PTPRD: variants seen among roughly 807,000 people sequenced by gnomAD.
PTPRD encodes protein tyrosine phosphatase receptor type D, also known as receptor-type tyrosine-protein phosphatase delta.
A neutral mutation model predicts 214.5 loss-of-function variants in PTPRD; 34 were observed. That is an observed-to-expected ratio of 0.16 (90% CI 0.12 to 0.21). PTPRD has a LOEUF of 0.21. PTPRD is among the 10% of genes least tolerant of loss of function. The probability of loss-of-function intolerance (pLI) is 1.00; values close to 1 mark genes in which losing one functional copy is unlikely to be tolerated. For synonymous variants in PTPRD, 1,128 were observed against 845.7 expected, an observed-to-expected ratio of 1.33 and a Z score of -5.79; for missense variants, 2,545 against 2,398.7, an observed-to-expected ratio of 1.06 and a Z score of -1.27.
At chr9:9,816,636 A>G (rs1489462405) in intron 5 of PTPRD, among the ~76,000 whole-genome samples, 1 of 152,120 alleles carries the variant, frequency 6.6e-6, no homozygotes, top group Non-Finnish European at 1.5e-5. Context: ...AGCTTAAAAA[A>G]GATGGAAAAA....
At chr9:8,321,487 G>GTGTATATATATATATATA (rs1168847469) in intron 44 of PTPRD, among the ~76,000 whole-genome samples, 4 of 44,550 alleles carry the variant, frequency 9.0e-5, no homozygotes, top group Non-Finnish European at 1.2e-4. Flanking sequence ...GTGTGTGTGT[G>GTGTATATATATATATATA]TATATATATA....
At chr9:9,792,298 G>A (rs1220954173) in intron 5 of PTPRD, among the ~76,000 whole-genome samples, 1 of 152,056 alleles carries the variant, frequency 6.6e-6, no homozygotes, top group Admixed American at 6.5e-5. Context: ...CAATTTAACT[G>A]TCTTATTTCA....
intron 8 of PTPRD, among the ~76,000 whole-genome samples, chr9:9,504,681 G>A (rs780122022): frequency 1.8e-4 from 28 of 151,628 alleles, no homozygotes; most frequent in East Asian, 1.2e-3. Flanking sequence ...GAAATAAAAC[G>A]CATCCAAGTC....
At chr9:9,828,038 A>C (rs949591459) in intron 5 of PTPRD, among the ~76,000 whole-genome samples, 2 of 152,142 alleles carry the variant, frequency 1.3e-5, no homozygotes, top group Admixed American at 1.3e-4. Flanking sequence ...AAATAGGAAC[A>C]CTTTTACACT....
chr9:8,943,803 TA>T (rs890441154), intron 11 of PTPRD, among the ~76,000 whole-genome samples: 4 of 150,166 alleles, frequency 2.7e-5, no homozygotes, highest in Admixed American at 6.7e-5. Flanking sequence ...ATGAAACCAC[TA>T]AAAAAAATGG....
chr9:10,103,668 C>T (rs1008023091), intron 3 of PTPRD, among the ~76,000 whole-genome samples: 1 of 151,368 alleles, frequency 6.6e-6, no homozygotes, highest in Admixed American at 6.6e-5. Flanking sequence ...TCCCTCCCCA[C>T]CACTGAGTTC....
chr9:9,263,590 C>T (rs1289589289), intron 9 of PTPRD, among the ~76,000 whole-genome samples: 1 of 151,628 alleles, frequency 6.6e-6, no homozygotes, highest in African/African-American at 2.4e-5. Context: ...CAGTAAATAT[C>T]CAATTTTCCC....
At chr9:9,979,231 AG>A (rs1183734714) in intron 4 of PTPRD, among the ~76,000 whole-genome samples, 2 of 152,080 alleles carry the variant, frequency 1.3e-5, no homozygotes, top group African/African-American at 2.4e-5. Context: ...TAAATATAAA[AG>A]CCTTTTAAAA....
chr9:9,630,983 T>C (rs1000239469), intron 7 of PTPRD, among the ~76,000 whole-genome samples: 4 of 152,122 alleles, frequency 2.6e-5, no homozygotes, highest in Admixed American at 2.6e-4. Context: ...TAAATCCCTT[T>C]CATTTTCAAT....
intron 14 of PTPRD, among the ~76,000 whole-genome samples, chr9:8,596,832 C>T (rs1172044702): frequency 6.6e-6 from 1 of 152,066 alleles, no homozygotes; most frequent in African/African-American, 2.4e-5. Context: ...TATTGGGAAA[C>T]TAAGTAAACT....
At chr9:9,952,817 G>A (rs1168263553) in intron 4 of PTPRD, among the ~76,000 whole-genome samples, 1 of 152,104 alleles carries the variant, frequency 6.6e-6, no homozygotes, top group African/African-American at 2.4e-5. Flanking sequence ...GAGACCAGGA[G>A]ATAAATTTAT....
chr9:10,587,846 A>C (rs917016964), intron 2 of PTPRD, among the ~76,000 whole-genome samples: 33 of 152,196 alleles, frequency 2.2e-4, no homozygotes, highest in African/African-American at 7.7e-4. Flanking sequence ...CTGTATAAAC[A>C]CAGATGATGG....
rs191488516 is a variant in PTPRD at position 9,371,221 on chromosome 9, G to A, written c.-203+26228C>T. ...TCCTCCTGTACCTCTGGTAGAATTC[G>A]GCTGTGAATCCATCTGGTCCTGGAC... On this transcript the variant is annotated intron_variant, in intron 9 of 45. Transcript: ENST00000381196. Among the ~76,000 whole-genome samples, 1,336 of 152,124 alleles carry A rather than the reference G, an allele frequency of 8.8e-3. 19 individuals carry two copies. Among genetic ancestry groups the A allele is most frequent in the African/African-American group, 0.03 (1,247 of 41,482 alleles).
At chr9:10,450,899 C>A (rs2098837114) in intron 2 of PTPRD, among the ~76,000 whole-genome samples, 1 of 151,878 alleles carries the variant, frequency 6.6e-6, no homozygotes, top group African/African-American at 2.4e-5. Context: ...AGAATTTCAA[C>A]ATTTTTAATC....
intron 7 of PTPRD, among the ~76,000 whole-genome samples, chr9:9,730,567 TTAAC>T (rs1017990652): frequency 4.6e-5 from 7 of 152,150 alleles, no homozygotes; most frequent in Non-Finnish European, 7.4e-5. Context: ...AAATCTTGTT[TTAAC>T]TATCTATGTA....
rs1367583003 is a variant in PTPRD at position 9,022,680 on chromosome 9, A to G, written c.-142-3945T>C. 2.0e-5 allele frequency among the ~76,000 whole-genome samples: 3 copies of G among 152,224 alleles called. No homozygotes were observed. The East Asian group carries it at 5.8e-4, about 29-fold the overall frequency. On this transcript the variant is annotated intron_variant, in intron 10 of 45. Coordinates refer to ENST00000381196, the MANE Select transcript of PTPRD (RefSeq NM_002839.4). ...CTTGTTAAGTGATGCATGACTGTAT[A>G]GAGCTTTGCTAAGATTTTCAAAGAA...
intron 8 of PTPRD, among the ~76,000 whole-genome samples, chr9:9,541,368 A>G (rs1426766829): frequency 6.6e-6 from 1 of 151,826 alleles, no homozygotes; most frequent in Non-Finnish European, 1.5e-5. Flanking sequence ...CCATGTGAAT[A>G]TAGCAGTCAC....
chr9:8,592,512 A>T (rs2094184173), intron 14 of PTPRD, among the ~76,000 whole-genome samples: 1 of 152,136 alleles, frequency 6.6e-6, no homozygotes, highest in Non-Finnish European at 1.5e-5. Flanking sequence ...AATTCCAAGG[A>T]TTCTACATCT....
At chr9:10,522,783 T>C (rs1169324238) in intron 2 of PTPRD, among the ~76,000 whole-genome samples, 1 of 152,048 alleles carries the variant, frequency 6.6e-6, no homozygotes. Flanking sequence ...GAACCCTCAA[T>C]TTTGATGAAA....
Sources: gnomAD v4.1 joint callset for allele counts (sites outside exome capture counted in the v4.1 genomes callset) on GRCh38, gnomAD v4.1.1 for gene constraint, MANE v1.5 for transcripts, NCBI Gene and HGNC (gene_info 2026-07-23, HGNC 2026-07-21) for gene names.